ULK4: variants seen among roughly 807,000 people sequenced by gnomAD.
ULK4 encodes the protein inactive serine/threonine-protein kinase ULK4.
ULK4 carries 133 observed loss-of-function variants against 160.6 expected under a neutral mutation model. The observed-to-expected ratio is 0.83, with a 90% CI of 0.72 to 0.96. ULK4 has a LOEUF of 0.96. ULK4 is among the 40% of genes least tolerant of loss of function. ULK4 has a pLI of 0.00. For missense variants in ULK4, 1,580 were observed against 1,499.5 expected (o/e 1.05, Z -0.89); for synonymous variants, 534 against 539.8 (o/e 0.99, Z 0.15).
At chr3:41,410,607 A>T (rs1185502392) in intron 34 of ULK4, among the ~76,000 whole-genome samples, 1 of 149,576 alleles carries the variant, frequency 6.7e-6, no homozygotes, top group Non-Finnish European at 1.5e-5. Context: ...CACAATATAC[A>T]AAAATATTGA....
intron 31 of ULK4, among the ~76,000 whole-genome samples, chr3:41,598,670 T>A (rs1458763885): frequency 6.7e-6 from 1 of 149,842 alleles, no homozygotes; most frequent in East Asian, 1.9e-4. Context: ...CCCCTACATA[T>A]ACACCCCCAC....
At chr3:41,545,213 C>T (rs2086818768) in intron 32 of ULK4, among the ~76,000 whole-genome samples, 1 of 152,154 alleles carries the variant, frequency 6.6e-6, no homozygotes, top group South Asian at 2.1e-4. Context: ...TATTTAACCA[C>T]ATTCGCGTTC....
chr3:41,356,865 G>T (rs535839405), intron 35 of ULK4, among the ~76,000 whole-genome samples: 2 of 152,268 alleles, frequency 1.3e-5, no homozygotes, highest in Admixed American at 1.3e-4. Flanking sequence ...GTGCAAGGAA[G>T]AATGAGGCCT....
intron 35 of ULK4, among the ~76,000 whole-genome samples, chr3:41,308,457 T>A (rs1575418855): frequency 6.6e-6 from 1 of 151,862 alleles, no homozygotes; most frequent in African/African-American, 2.4e-5. Context: ...TTAAGTTGAT[T>A]ATAGGTATAG....
intron 35 of ULK4, among the ~76,000 whole-genome samples, chr3:41,260,347 G>T (rs999275536): frequency 2.6e-5 from 4 of 152,150 alleles, no homozygotes; most frequent in African/African-American, 2.4e-5. Context: ...TGCTGCCAGG[G>T]TCTCACCTTT....
At chr3:41,337,854 G>A (rs1162381744) in intron 35 of ULK4, among the ~76,000 whole-genome samples, 2 of 152,102 alleles carry the variant, frequency 1.3e-5, no homozygotes, top group East Asian at 3.9e-4. Context: ...AGCTGCTCCA[G>A]GTATGGCAGC....
At chr3:41,757,629 CAAAAAA>C (rs1197436719) in intron 21 of ULK4, among the ~76,000 whole-genome samples, 1 of 63,640 alleles carries the variant, frequency 1.6e-5, no homozygotes, top group African/African-American at 5.9e-5. Context: ...GAGACTCTCT[CAAAAAA>C]AAAAAAAAAA....
chr3:41,723,462 T>C (rs1380655529), intron 22 of ULK4, among the ~76,000 whole-genome samples: 1 of 152,170 alleles, frequency 6.6e-6, no homozygotes, highest in Non-Finnish European at 1.5e-5. Context: ...AATTGACTGA[T>C]CATGTGGGTT....
intron 21 of ULK4, among the ~76,000 whole-genome samples, chr3:41,781,166 A>G (rs115886731): frequency 0.072 from 10,982 of 152,254 alleles, 1,253 homozygotes; most frequent in African/African-American, 0.24. Flanking sequence ...TTGCAAACAG[A>G]TATCTGATTG....
At chr3:41,584,662 T>C (rs946411244) in intron 31 of ULK4, among the ~76,000 whole-genome samples, 3 of 152,144 alleles carry the variant, frequency 2.0e-5, no homozygotes, top group South Asian at 2.1e-4. Context: ...GGGAAGAAAT[T>C]TGCAAAAACA....
intron 30 of ULK4, among the ~76,000 whole-genome samples, chr3:41,656,623 G>T (rs912237438): frequency 6.6e-6 from 1 of 152,166 alleles, no homozygotes; most frequent in Non-Finnish European, 1.5e-5. Flanking sequence ...AATTAGAGAA[G>T]TCAACTGAAG....
chr3:41,755,301 A>G (rs1300601636), intron 21 of ULK4, among the ~76,000 whole-genome samples: 1 of 151,782 alleles, frequency 6.6e-6, no homozygotes, highest in African/African-American at 2.4e-5. Context: ...TTTTGGCCAC[A>G]CTCCAGTCCT....
intron 29 of ULK4, among the ~76,000 whole-genome samples, chr3:41,669,310 ATC>A (rs1559473912): frequency 6.6e-6 from 1 of 152,092 alleles, no homozygotes; most frequent in Non-Finnish European, 1.5e-5. Context: ...CAGTGGCAAG[ATC>A]GTAGCTCACT....
chr3:41,529,824 G>T (rs1292173565), intron 32 of ULK4, among the ~76,000 whole-genome samples: 8 of 152,124 alleles, frequency 5.3e-5, no homozygotes. Flanking sequence ...GATTATTTTT[G>T]CCTTTTCTAT....
chr3:41,384,100 T>G (rs2081740685), intron 35 of ULK4, among the ~76,000 whole-genome samples: 1 of 152,156 alleles, frequency 6.6e-6, no homozygotes, highest in South Asian at 2.1e-4. Context: ...TGGAGACATG[T>G]GTCAGATGCC....
intron 18 of ULK4, among the ~76,000 whole-genome samples, chr3:41,829,976 A>G (rs908660415): frequency 1.2e-4 from 18 of 152,056 alleles, no homozygotes; most frequent in African/African-American, 3.6e-4. Flanking sequence ...ATAAAAAATG[A>G]TGAGTTCATG....
At chr3:41,856,542 TATATATGTGTATATATATACAC>T in intron 17 of ULK4, among the ~76,000 whole-genome samples, 1 of 79,014 alleles carries the variant, frequency 1.3e-5, no homozygotes, top group African/African-American at 6.3e-5. Flanking sequence ...TGTATGTATA[TATATATGTGTATATATATACAC>T]ATATATATAT....
intron 31 of ULK4, among the ~76,000 whole-genome samples, chr3:41,596,684 A>C (rs1467534859): frequency 6.6e-6 from 1 of 152,130 alleles, no homozygotes; most frequent in Non-Finnish European, 1.5e-5. Context: ...ATGATAGATC[A>C]CAAGGTCAGA....
chr3:41,488,495 C>T (rs1257181037), intron 32 of ULK4, among the ~76,000 whole-genome samples: 1 of 152,156 alleles, frequency 6.6e-6, no homozygotes, highest in African/African-American at 2.4e-5. Context: ...TACGCTTCTG[C>T]ATTAGTTGAA....
Sources: gnomAD v4.1 joint callset for allele counts (sites outside exome capture counted in the v4.1 genomes callset) on GRCh38, gnomAD v4.1.1 for gene constraint, MANE v1.5 for transcripts, NCBI Gene and HGNC (gene_info 2026-07-23, HGNC 2026-07-21) for gene names.